Variants in ZEB1 observed in about 807,000 individuals in gnomAD.
ZEB1 encodes the protein zinc finger E-box-binding homeobox 1.
ZEB1 carries 21 observed loss-of-function variants against 84.9 expected under a neutral mutation model. The ratio of observed to expected loss-of-function variants is 0.25; its 90% CI spans 0.18 to 0.36. The LOEUF (loss-of-function observed/expected upper bound fraction) is 0.36, where lower values mean the gene tolerates loss of function less well. Ranked by LOEUF, ZEB1 falls within the 10% of genes least tolerant of loss-of-function variation. The pLI, the probability that ZEB1 is intolerant of heterozygous loss-of-function variation, is 1.00. For missense variants in ZEB1, 1,104 were observed against 1,330.2 expected, an observed-to-expected ratio of 0.83 and a Z score of 2.65; for synonymous variants, 420 against 471.1, an observed-to-expected ratio of 0.89 and a Z score of 1.41.
chr10:31,320,032 G>C (rs2033417080), intron 1 of ZEB1: 1 of 151,310 alleles, frequency 6.6e-6, no homozygotes, highest in Admixed American at 6.6e-5. Context: ...GGCCGGGCGC[G>C]CTCGCGTAAC....
chr10:31,506,323 AG>A (rs2068970245), intron 4 of ZEB1, among the ~76,000 whole-genome samples: 1 of 152,018 alleles, frequency 6.6e-6, no homozygotes, highest in South Asian at 2.1e-4. Flanking sequence ...TTCTTTGTTA[AG>A]TGTCTTTCTA....
intron 1 of ZEB1, among the ~76,000 whole-genome samples, chr10:31,350,186 A>C (rs1342210578): frequency 6.6e-6 from 1 of 151,994 alleles, no homozygotes; most frequent in Admixed American, 6.6e-5. Flanking sequence ...TTTTTTCCCC[A>C]TTGTGTGTTC....
chr10:31,445,678 T>C (rs1445469057), intron 1 of ZEB1, among the ~76,000 whole-genome samples: 11 of 147,132 alleles, frequency 7.5e-5, no homozygotes, highest in Admixed American at 2.7e-4. Context: ...GATAATCATG[T>C]GGTTTTTGTC....
intron 1 of ZEB1, among the ~76,000 whole-genome samples, chr10:31,428,945 C>A (rs2057338640): frequency 6.6e-6 from 1 of 152,132 alleles, no homozygotes; most frequent in Non-Finnish European, 1.5e-5. Context: ...TTATTTTGAG[C>A]CTATGTGTGT....
At chr10:31,432,592 A>AT (rs1306593272) in intron 1 of ZEB1, among the ~76,000 whole-genome samples, 4 of 151,660 alleles carry the variant, frequency 2.6e-5, no homozygotes, top group Admixed American at 6.6e-5. Flanking sequence ...CCCTGTCTCA[A>AT]TTTTTTTTTA....
At chr10:31,363,403 A>G in intron 1 of ZEB1, 2 of 1,534,204 alleles carry the variant, frequency 1.3e-6, no homozygotes, top group Non-Finnish European at 1.7e-6. Context: ...CTTTTCTGTC[A>G]AGCTCTTGAG....
intron 2 of ZEB1, among the ~76,000 whole-genome samples, chr10:31,478,462 A>C (rs886083738): frequency 6.6e-6 from 1 of 151,980 alleles, no homozygotes; most frequent in African/African-American, 2.4e-5. Flanking sequence ...GAAAAAACTA[A>C]AAATGGAATT....
chr10:31,394,140 A>G (rs2050272687), intron 1 of ZEB1, among the ~76,000 whole-genome samples: 1 of 152,208 alleles, frequency 6.6e-6, no homozygotes, highest in African/African-American at 2.4e-5. Context: ...TGAAATTTTA[A>G]CTGAATCTGA....
At chr10:31,405,351 A>G (rs1429131079) in intron 1 of ZEB1, among the ~76,000 whole-genome samples, 5 of 152,204 alleles carry the variant, frequency 3.3e-5, no homozygotes, top group Admixed American at 2.6e-4. Context: ...TGTAATATAC[A>G]TAGTTTGAGA....
intron 1 of ZEB1, among the ~76,000 whole-genome samples, chr10:31,382,941 T>G (rs2047952096): frequency 6.6e-6 from 1 of 151,998 alleles, no homozygotes. Context: ...TTAAAGGACA[T>G]AAATTTTTAA....
At chr10:31,439,878 G>C (rs1222771809) in intron 1 of ZEB1, among the ~76,000 whole-genome samples, 1 of 152,172 alleles carries the variant, frequency 6.6e-6, no homozygotes, top group Non-Finnish European at 1.5e-5. Context: ...TTGGATTACA[G>C]TGAATAGGAT....
intron 1 of ZEB1, among the ~76,000 whole-genome samples, chr10:31,445,460 G>A (rs1228123687): frequency 6.8e-6 from 1 of 147,284 alleles, no homozygotes; most frequent in African/African-American, 2.6e-5. Context: ...ATGTTGAATA[G>A]GAGCGGTGAG....
At chr10:31,485,540 A>C (rs1468397314) in intron 2 of ZEB1, among the ~76,000 whole-genome samples, 1 of 151,940 alleles carries the variant, frequency 6.6e-6, no homozygotes, top group Non-Finnish European at 1.5e-5. Flanking sequence ...TAAATACAAA[A>C]ACATTATTGT....
chr10:31,498,835 T>C lies in ZEB1; in HGVS notation c.322+2997T>C, dbSNP rs12256775. On this transcript the variant is annotated intron_variant, in intron 3 of 8. Coordinates refer to ENST00000424869, the MANE Select transcript of ZEB1 (RefSeq NM_001174096.2). ...TTTGAGCTCATATTTCCATTCTATA[T>C]GCACTATAGAATTTTATGCAAACGT... Among the ~76,000 whole-genome samples, 487 of 152,146 alleles carry C rather than the reference T, an allele frequency of 3.2e-3. 1 individual carries two copies. Among genetic ancestry groups the C allele is most frequent in the African/African-American group, 0.012 (480 of 41,566 alleles).
intron 1 of ZEB1, among the ~76,000 whole-genome samples, chr10:31,394,023 T>C (rs1190405349): frequency 6.6e-6 from 1 of 152,064 alleles, no homozygotes; most frequent in South Asian, 2.1e-4. Context: ...ACAAAACACA[T>C]TGCCTGCCCT....
chr10:31,445,628 G>A (rs1481822628), intron 1 of ZEB1, among the ~76,000 whole-genome samples: 3 of 151,872 alleles, frequency 2.0e-5, no homozygotes, highest in Non-Finnish European at 4.4e-5. Flanking sequence ...AGCATGAAGT[G>A]TTGTTGAATT....
At chr10:31,482,167 A>T (rs2065128412) in intron 2 of ZEB1, among the ~76,000 whole-genome samples, 1 of 152,060 alleles carries the variant, frequency 6.6e-6, no homozygotes, top group Non-Finnish European at 1.5e-5. Flanking sequence ...AGACATAGTG[A>T]CATACCATGT....
intron 2 of ZEB1, among the ~76,000 whole-genome samples, chr10:31,478,475 C>G (rs1355558015): frequency 2.6e-5 from 4 of 151,860 alleles, no homozygotes; most frequent in African/African-American, 9.7e-5. Flanking sequence ...ATGGAATTAC[C>G]ATTCAATTCA....
At chr10:31,332,088 T>G (rs977262438) in intron 1 of ZEB1, among the ~76,000 whole-genome samples, 1 of 152,212 alleles carries the variant, frequency 6.6e-6, no homozygotes, top group Non-Finnish European at 1.5e-5. Flanking sequence ...ACCTGATGTA[T>G]CCTGCTTTCC....
Sources: allele counts gnomAD v4.1 joint callset (sites outside exome capture counted in the v4.1 genomes callset), GRCh38; gene constraint gnomAD v4.1.1; transcripts MANE v1.5; gene names NCBI Gene and HGNC (gene_info 2026-07-23, HGNC 2026-07-21).